The following ARFGEF1 variants were observed in gnomAD, a reference collection of about 807,000 sequenced individuals.
The protein encoded by ARFGEF1 is ARF guanine nucleotide exchange factor 1, also known as brefeldin A-inhibited guanine nucleotide-exchange protein 1.
ARFGEF1 carries 42 observed loss-of-function variants against 231.0 expected under a neutral mutation model. The observed-to-expected ratio is 0.18, with a 90% confidence interval of 0.14 to 0.24. ARFGEF1 has a LOEUF of 0.24. Ranked by LOEUF, ARFGEF1 falls within the 10% of genes least tolerant of loss-of-function variation. The pLI is 1.00. For missense variants in ARFGEF1, 1,345 were observed against 2,192.0 expected, an observed-to-expected ratio of 0.61 and a Z score of 7.72; for synonymous variants, 710 against 732.3, an observed-to-expected ratio of 0.97 and a Z score of 0.49.
intron 5 of ARFGEF1, among the ~76,000 whole-genome samples, chr8:67,175,799 A>G (rs183883883): frequency 4.6e-5 from 7 of 152,364 alleles, no homozygotes; most frequent in Admixed American, 3.3e-4. Context: ...CTACTGTGCC[A>G]TGTCAGGCAT....
intron 38 of ARFGEF1, chr8:67,199,339 C>T: frequency 2.6e-6 from 1 of 385,628 alleles, no homozygotes; most frequent in Non-Finnish European, 4.5e-6. Flanking sequence ...CTTTGACAAA[C>T]TTTTAGTAAT....
At chr8:67,317,849 C>T (rs141777125) in intron 1 of ARFGEF1, among the ~76,000 whole-genome samples, 114 of 140,724 alleles carry the variant, frequency 8.1e-4, no homozygotes, top group Admixed American at 1.5e-3. Flanking sequence ...CAGTGAACTG[C>T]GATTGTGCCA....
chr8:67,266,739 T>G (rs1804869309), intron 13 of ARFGEF1, 137 bp downstream of exon 13: 3 of 570,294 alleles, frequency 5.3e-6, no homozygotes, highest in Non-Finnish European at 8.8e-6. Flanking sequence ...GCTAGACATT[T>G]AACTCACAGA....
intron 2 of ARFGEF1, 37 bp from the exon 3 acceptor site, chr8:67,301,417 C>T: frequency 6.4e-7 from 1 of 1,567,034 alleles, no homozygotes; most frequent in Non-Finnish European, 8.6e-7. Context: ...TAGCGTATCA[C>T]ATTTATAATA....
chr8:67,298,160 T>G (rs1164850332), intron 4 of ARFGEF1, among the ~76,000 whole-genome samples: 1 of 151,848 alleles, frequency 6.6e-6, no homozygotes, highest in Non-Finnish European at 1.5e-5. Context: ...AACACAACTA[T>G]AAAACTGAAA....
At chr8:67,325,818 A>AT (rs1192570294) in intron 1 of ARFGEF1, among the ~76,000 whole-genome samples, 2 of 152,236 alleles carry the variant, frequency 1.3e-5, no homozygotes, top group African/African-American at 2.4e-5. Flanking sequence ...GGACTAAAAA[A>AT]GTTTTAATCA....
In ARFGEF1 at chr8:67,332,208, A is replaced by C. The variant is rs182914972; in HGVS notation, c.124+10956T>G. ...CTTACATATGAAGTCACTGAGATTT[A>C]CAACTAGTTATTTTAAGATAAAGTC... On this transcript the variant is annotated intron_variant, in intron 1 of 38. Transcript: ENST00000262215. Among the ~76,000 whole-genome samples the C allele has an allele frequency of 4.4e-3, 674 of 152,340 alleles. 10 individuals carry two copies. The highest frequency in any genetic ancestry group is 0.015 in the African/African-American group (641 of 41,572).
At chr8:67,252,181 AG>A (rs1274298608) in intron 18 of ARFGEF1, among the ~76,000 whole-genome samples, 2 of 149,058 alleles carry the variant, frequency 1.3e-5, no homozygotes, top group African/African-American at 2.5e-5. Context: ...CTGAGGCAGG[AG>A]AATTGCTTGA....
chr8:67,284,996 C>T (rs771036831), intron 7 of ARFGEF1, among the ~76,000 whole-genome samples: 11 of 149,226 alleles, frequency 7.4e-5, no homozygotes, highest in Non-Finnish European at 1.0e-4. Flanking sequence ...TTAGCTTGAA[C>T]GGATTCCTAC....
In ARFGEF1 at chr8:67,224,012, T is replaced by C. The variant is rs184869712; in HGVS notation, c.4208+891A>G. Among the ~76,000 whole-genome samples the C allele has an allele frequency of 7.2e-5, 11 of 152,288 alleles. No individual in the cohort carries two copies. In the South Asian group the frequency reaches 8.3e-4, roughly 11 times the overall value. On this transcript the variant is annotated intron_variant, in intron 29 of 38. Transcript: ENST00000262215. ...ATTTCTGTTGTAACAAATAATACTA[T>C]AAAAATGAAAAATTTCTTGGGATAT...
Position 67,287,980 on chromosome 8 carries a change from T to C in ARFGEF1, c.1002A>G (p.Glu334=). 6.3e-7 allele frequency: 1 copy of C among 1,595,010 alleles called. No homozygotes were observed. Among genetic ancestry groups the C allele is most frequent in the Non-Finnish European group, 8.5e-7 (1 of 1,173,500 alleles). The change falls in exon 7 of 39, where the codon GAA becomes GAG. Residue 334 remains glutamate (E), a synonymous_variant. Coordinates refer to ENST00000262215, the MANE Select transcript of ARFGEF1 (RefSeq NM_006421.5). ...KPQDIVQNIV[E]EMVNIVVGDM... The stretch of plus-strand genomic sequence containing the variant: ...CTCCAACAACAATGTTCACCATTTC[T>C]TCTACAATGTTCTGTACAATGTCTT...
At chr8:67,299,407 C>T (rs747552368) in intron 3 of ARFGEF1, 52 bp from the exon 4 acceptor site, 21 of 1,462,616 alleles carry the variant, frequency 1.4e-5, no homozygotes, top group Admixed American at 1.3e-4. Flanking sequence ...AAATATTATA[C>T]ATACTAATGC....
chr8:67,177,748 T>C (rs1832032999), intron 5 of ARFGEF1: 11 of 1,584,772 alleles, frequency 6.9e-6, no homozygotes, highest in Non-Finnish European at 9.5e-6. Context: ...GTTACAATTT[T>C]TCAAGTTAGT....
At chr8:67,318,465 A>G (rs1422584139) in intron 1 of ARFGEF1, among the ~76,000 whole-genome samples, 1 of 152,154 alleles carries the variant, frequency 6.6e-6, no homozygotes, top group African/African-American at 2.4e-5. Context: ...CATCCCAGAC[A>G]GTGTAAATAA....
At chr8:67,222,697 C>T (rs1413580605) in intron 29 of ARFGEF1, among the ~76,000 whole-genome samples, 3 of 152,110 alleles carry the variant, frequency 2.0e-5, no homozygotes, top group Non-Finnish European at 4.4e-5. Context: ...ATGATCCGCC[C>T]ACCTGGGCCT....
At chr8:67,192,402 T>C (rs1470498744) in intron 5 of ARFGEF1, among the ~76,000 whole-genome samples, 1 of 152,220 alleles carries the variant, frequency 6.6e-6, no homozygotes, top group East Asian at 1.9e-4. Flanking sequence ...TTGAATTGTC[T>C]TTTTATTGAG....
intron 33 of ARFGEF1, among the ~76,000 whole-genome samples, chr8:67,213,239 CG>C (rs1473021938): frequency 1.3e-5 from 2 of 152,082 alleles, no homozygotes; most frequent in African/African-American, 4.8e-5. Flanking sequence ...GGTCAGTTGG[CG>C]TTAGTTTGCT....
At chr8:67,274,696 T>A (rs544252614) in intron 9 of ARFGEF1, among the ~76,000 whole-genome samples, 220 of 152,244 alleles carry the variant, frequency 1.4e-3, no homozygotes, top group African/African-American at 5.0e-3. Context: ...CAAATCACAA[T>A]TTTTACATTT....
chr8:67,304,265 T>C (rs1806636310), intron 1 of ARFGEF1, among the ~76,000 whole-genome samples: 1 of 152,248 alleles, frequency 6.6e-6, no homozygotes. Flanking sequence ...ATACAACTTA[T>C]TCATACAATA....
Sources: gnomAD v4.1 joint callset for allele counts (sites outside exome capture counted in the v4.1 genomes callset) on GRCh38, gnomAD v4.1.1 for gene constraint, MANE v1.5 for transcripts, NCBI Gene and HGNC (gene_info 2026-07-23, HGNC 2026-07-21) for gene names.